Variants in SLC28A3 observed in about 807,000 individuals in gnomAD.
SLC28A3 encodes the protein solute carrier family 28 member 3.
In SLC28A3, 68 loss-of-function variants were observed where a neutral mutation model predicts 84.2. That is an observed-to-expected ratio of 0.81 (90% confidence interval 0.66 to 0.99). SLC28A3 has a LOEUF of 0.99. SLC28A3 is among the 50% of genes least tolerant of loss of function. The pLI, the probability that SLC28A3 is intolerant of heterozygous loss-of-function variation, is 0.00. For synonymous variants in SLC28A3, 267 were observed against 303.6 expected, an observed-to-expected ratio of 0.88 and a Z score of 1.25; for missense variants, 712 against 841.5, an observed-to-expected ratio of 0.85 and a Z score of 1.90.
At chr9:84,299,013 T>C (rs374662478) in intron 6 of SLC28A3, among the ~76,000 whole-genome samples, 67 of 152,330 alleles carry the variant, frequency 4.4e-4, no homozygotes, top group African/African-American at 1.6e-3. Context: ...TGTGTTTTTT[T>C]CCTTGGGTCT....
chr9:84,297,156 A>T, intron 8 of SLC28A3, 65 bp downstream of exon 8: 1 of 1,414,878 alleles, frequency 7.1e-7, no homozygotes, highest in Non-Finnish European at 9.8e-7. Context: ...GTTCTATCTG[A>T]ACATCTACAA....
At chr9:84,356,559 AGGTGGCTCACGCTC>A in the SLC28A3 span, among the ~76,000 whole-genome samples, 1 of 152,100 alleles carries the variant, frequency 6.6e-6, no homozygotes, top group Non-Finnish European at 1.5e-5. Flanking sequence ...AGGCCGGGCA[AGGTGGCTCACGCTC>A]GTAATCCCAG....
chr9:84,319,627 C>T (rs1022126640), intron 1 of SLC28A3, among the ~76,000 whole-genome samples: 1 of 152,166 alleles, frequency 6.6e-6, no homozygotes, highest in African/African-American at 2.4e-5. Context: ...GCTTTTGATA[C>T]TTGTGTTGAT....
At chr9:84,348,745 G>C in the SLC28A3 span, among the ~76,000 whole-genome samples, 23 of 152,280 alleles carry the variant, frequency 1.5e-4, no homozygotes, top group East Asian at 4.1e-3. Flanking sequence ...TATCCCAAGA[G>C]TGGGTTCCTG....
At chr9:84,364,625 T>G in the SLC28A3 span, among the ~76,000 whole-genome samples, 6 of 151,224 alleles carry the variant, frequency 4.0e-5, no homozygotes, top group East Asian at 1.9e-4. Flanking sequence ...ATTCTTTTTG[T>G]TTTTTTTGTA....
the SLC28A3 span, among the ~76,000 whole-genome samples, chr9:84,347,307 C>T: frequency 2.6e-5 from 4 of 151,462 alleles, no homozygotes; most frequent in African/African-American, 9.7e-5. Context: ...TCCATTTTAT[C>T]CTCATAACAA....
At chr9:84,328,964 T>C (rs909919928) in intron 1 of SLC28A3, among the ~76,000 whole-genome samples, 1 of 152,002 alleles carries the variant, frequency 6.6e-6, no homozygotes, top group African/African-American at 2.4e-5. Flanking sequence ...CAAAATCCCA[T>C]GATCCAAATA....
chr9:84,333,918 C>A (rs1045107081), intron 1 of SLC28A3, among the ~76,000 whole-genome samples: 5 of 152,188 alleles, frequency 3.3e-5, no homozygotes, highest in African/African-American at 1.2e-4. Context: ...CCACTAGCAG[C>A]AAAATGTATA....
chr9:84,329,721 T>G (rs1228047272), intron 1 of SLC28A3, among the ~76,000 whole-genome samples: 1 of 151,772 alleles, frequency 6.6e-6, no homozygotes, highest in Non-Finnish European at 1.5e-5. Context: ...AGACTCTGTC[T>G]CATGAAAAAA....
At chr9:84,309,344 G>A (rs1825902446) in intron 3 of SLC28A3, among the ~76,000 whole-genome samples, 1 of 151,868 alleles carries the variant, frequency 6.6e-6, no homozygotes, top group East Asian at 1.9e-4. Context: ...CCAACATGGT[G>A]AAACCCAGCC....
intron 3 of SLC28A3, among the ~76,000 whole-genome samples, chr9:84,307,892 TG>T (rs1825857690): frequency 6.6e-6 from 1 of 152,234 alleles, no homozygotes; most frequent in African/African-American, 2.4e-5. Context: ...TCCTGATGGC[TG>T]TTTCAGTCTC....
At chr9:84,285,228 T>G in intron 14 of SLC28A3, 117 bp downstream of exon 14, 1 of 971,542 alleles carries the variant, frequency 1.0e-6, no homozygotes. Context: ...TAGGTTGTTT[T>G]GCTCTCTAAT....
chr9:84,279,185 A>G, intron 17 of SLC28A3, 80 bp downstream of exon 17: 1 of 1,341,002 alleles, frequency 7.5e-7, no homozygotes, highest in East Asian at 2.8e-5. Flanking sequence ...AAAAAAAAAA[A>G]AAAAAGTAAG....
At chr9:84,301,917 C>T (rs182531146) in intron 5 of SLC28A3, among the ~76,000 whole-genome samples, 44 of 152,276 alleles carry the variant, frequency 2.9e-4, no homozygotes, top group Admixed American at 1.2e-3. Flanking sequence ...GCACATGGAA[C>T]GTAATATGCT....
chr9:84,360,370 C>T, the SLC28A3 span, among the ~76,000 whole-genome samples: 1 of 152,026 alleles, frequency 6.6e-6, no homozygotes, highest in African/African-American at 2.4e-5. Context: ...CTGAAGATAA[C>T]CTGGCTGTCA....
chr9:84,305,898 C>G (rs1436084471), intron 3 of SLC28A3, among the ~76,000 whole-genome samples: 1 of 152,152 alleles, frequency 6.6e-6, no homozygotes, highest in Non-Finnish European at 1.5e-5. Flanking sequence ...GGGCTATTAA[C>G]CAATGGGTTG....
the SLC28A3 span, among the ~76,000 whole-genome samples, chr9:84,359,966 C>T: frequency 6.9e-6 from 1 of 145,038 alleles, no homozygotes; most frequent in Non-Finnish European, 1.5e-5. Flanking sequence ...GGCACCACTG[C>T]ACTCCAGCCT....
chr9:84,296,054 C>T (rs1302139019), intron 8 of SLC28A3, among the ~76,000 whole-genome samples: 4 of 152,102 alleles, frequency 2.6e-5, no homozygotes, highest in African/African-American at 7.2e-5. Context: ...GGGCCACTGC[C>T]CTGGAAGAGG....
chr9:84,363,219 G>A, the SLC28A3 span, among the ~76,000 whole-genome samples: 4 of 152,280 alleles, frequency 2.6e-5, no homozygotes, highest in South Asian at 8.3e-4. Context: ...GACTAATCTG[G>A]GATGTTCTTA....
Sources: allele counts gnomAD v4.1 joint callset (sites outside exome capture counted in the v4.1 genomes callset), GRCh38; gene constraint gnomAD v4.1.1; transcripts MANE v1.5; gene names NCBI Gene and HGNC (gene_info 2026-07-23, HGNC 2026-07-21).